The following ERI1 variants were observed in gnomAD, a reference collection of about 807,000 sequenced individuals.
ERI1 encodes the protein exoribonuclease 1, also known as 3'-5' exoribonuclease 1.
A neutral mutation model predicts 39.7 loss-of-function variants in ERI1; 39 were observed. The observed-to-expected ratio is 0.98, with a 90% CI of 0.76 to 1.28. The LOEUF is 1.28. Ranked by LOEUF, ERI1 falls within the 50% of genes most tolerant of loss-of-function variation. The pLI, the probability that ERI1 is intolerant of heterozygous loss-of-function variation, is 0.00. For synonymous variants in ERI1, 204 were observed against 149.6 expected (o/e 1.36, Z -2.65); for missense variants, 581 against 416.9 (o/e 1.39, Z -3.43).
intron 3 of ERI1, among the ~76,000 whole-genome samples, chr8:9,056,807 A>C (rs1005261902): frequency 6.6e-6 from 1 of 152,192 alleles, no homozygotes; most frequent in Non-Finnish European, 1.5e-5. Flanking sequence ...TGACTATCCC[A>C]TCAATTACGT....
At chr8:9,020,494 G>A (rs1312108284) in intron 6 of ERI1, 30 bp downstream of exon 6, 7 of 1,332,768 alleles carry the variant, frequency 5.3e-6, no homozygotes, top group Non-Finnish European at 7.3e-6. Context: ...TAATTACGTG[G>A]TTCTTAATGA....
At chr8:9,054,695 G>A (rs899327688) in intron 3 of ERI1, among the ~76,000 whole-genome samples, 1 of 152,220 alleles carries the variant, frequency 6.6e-6, no homozygotes, top group South Asian at 2.1e-4. Flanking sequence ...GAGGCCAAGG[G>A]GGGCAGATCA....
intron 6 of ERI1, among the ~76,000 whole-genome samples, chr8:9,024,042 C>T (rs888531973): frequency 3.3e-5 from 5 of 152,068 alleles, no homozygotes; most frequent in Middle Eastern, 3.4e-3. Flanking sequence ...CCTTGTGATC[C>T]GCACACCTTG....
intron 3 of ERI1, among the ~76,000 whole-genome samples, chr8:9,057,084 C>T (rs998231065): frequency 1.3e-5 from 2 of 152,108 alleles, no homozygotes; most frequent in East Asian, 1.9e-4. Flanking sequence ...CTGCCTGCCT[C>T]GGCCTCCAAA....
chr8:9,093,064 A>T (rs939352174), intron 3 of ERI1, among the ~76,000 whole-genome samples: 44 of 152,180 alleles, frequency 2.9e-4, no homozygotes, highest in African/African-American at 9.9e-4. Flanking sequence ...TTTTATAAGG[A>T]CATCAGTCAT....
intron 3 of ERI1, among the ~76,000 whole-genome samples, chr8:9,049,421 T>C (rs1563356910): frequency 7.5e-6 from 1 of 133,336 alleles, no homozygotes; most frequent in Non-Finnish European, 1.6e-5. Context: ...AGTATTGAAA[T>C]ATGGATAGCA....
rs139689897 is a variant in ERI1, at chr8:9,065,286, A to T, written n.299+44822A>T. On this transcript the variant is annotated intron_variant and non_coding_transcript_variant, in intron 3 of 3. Transcript: ENST00000518663. ...TGTTTAGTTGTTTTTGCTTCTTTCTACGAGGTTTCTTTTGTTCTTTGAGGT... is the reference window on the plus strand; with the variant it reads ...TGTTTAGTTGTTTTTGCTTCTTTCTTCGAGGTTTCTTTTGTTCTTTGAGGT... 3.9e-5 allele frequency among the ~76,000 whole-genome samples: 6 copies of T among 152,268 alleles called. No individual in the cohort carries two copies. The East Asian group carries it at 1.2e-3, about 29-fold the overall frequency.
At chr8:9,060,240 G>C (rs559863971) in intron 3 of ERI1, among the ~76,000 whole-genome samples, 406 of 152,202 alleles carry the variant, frequency 2.7e-3, no homozygotes, top group African/African-American at 9.1e-3. Flanking sequence ...AGGCCAAACC[G>C]AGGAATTATG....
intron 3 of ERI1, among the ~76,000 whole-genome samples, chr8:9,088,883 C>G (rs1185294313): frequency 6.6e-6 from 1 of 152,170 alleles, no homozygotes; most frequent in Non-Finnish European, 1.5e-5. Context: ...CATTCCCTGA[C>G]CAGGTCATGC....
chr8:9,012,847 A>T (rs1027021012), intron 3 of ERI1, among the ~76,000 whole-genome samples: 1 of 152,136 alleles, frequency 6.6e-6, no homozygotes. Context: ...TTCTTCACTT[A>T]AGTTATAGGT....
chr8:9,093,128 G>C (rs144412129), intron 3 of ERI1, among the ~76,000 whole-genome samples: 55 of 152,276 alleles, frequency 3.6e-4, no homozygotes, highest in African/African-American at 1.3e-3. Context: ...CCTTTTTAAA[G>C]ACCAGGTCTC....
At chr8:9,014,065 C>T (rs969872115) in intron 3 of ERI1, among the ~76,000 whole-genome samples, 1 of 152,186 alleles carries the variant, frequency 6.6e-6, no homozygotes, top group Non-Finnish European at 1.5e-5. Flanking sequence ...CAAAACCCTG[C>T]AATGGCTCCT....
chr8:9,013,459 T>G (rs1450255882), intron 3 of ERI1, among the ~76,000 whole-genome samples: 3 of 152,148 alleles, frequency 2.0e-5, no homozygotes, highest in African/African-American at 7.2e-5. Flanking sequence ...CAGTTTTCTT[T>G]GCTGGTTCCT....
chr8:9,025,518 C>G (rs1303183039), intron 6 of ERI1, among the ~76,000 whole-genome samples: 1 of 152,206 alleles, frequency 6.6e-6, no homozygotes, highest in African/African-American at 2.4e-5. Flanking sequence ...GTTCACCTTT[C>G]AACTCAGCCA....
chr8:9,016,253 C>T (rs1202477987), intron 3 of ERI1, 69 bp from the exon 4 acceptor site: 12 of 868,034 alleles, frequency 1.4e-5, no homozygotes, highest in Admixed American at 2.5e-5. Context: ...GTGATGAATT[C>T]GTCGTGTATC....
chr8:9,040,098 G>A (rs1442368210), intron 3 of ERI1, among the ~76,000 whole-genome samples: 1 of 152,114 alleles, frequency 6.6e-6, no homozygotes, highest in Non-Finnish European at 1.5e-5. Context: ...AAGTAACTTA[G>A]AAGAACAGCT....
At chr8:9,072,655 T>G (rs767227721) in intron 3 of ERI1, 6 of 152,186 alleles carry the variant, frequency 3.9e-5, no homozygotes, top group Non-Finnish European at 8.8e-5. Flanking sequence ...GAAGCCTTCA[T>G]AAATCAGCCC....
intron 5 of ERI1, among the ~76,000 whole-genome samples, chr8:9,019,910 T>A (rs1281369946): frequency 7.2e-5 from 11 of 152,212 alleles, no homozygotes; most frequent in Non-Finnish European, 1.3e-4. Context: ...ATAAATTGGT[T>A]AGTGTTATAG....
At chr8:9,088,809 G>A (rs1799612713) in intron 3 of ERI1, among the ~76,000 whole-genome samples, 1 of 152,180 alleles carries the variant, frequency 6.6e-6, no homozygotes, top group African/African-American at 2.4e-5. Context: ...CCTTTGGATT[G>A]TAGCATGCTG....
Sources: allele counts gnomAD v4.1 joint callset (sites outside exome capture counted in the v4.1 genomes callset), GRCh38; gene constraint gnomAD v4.1.1; transcripts MANE v1.5; gene names NCBI Gene and HGNC (gene_info 2026-07-23, HGNC 2026-07-21).